Variants in CASD1 observed in about 807,000 individuals in gnomAD.
CASD1 encodes the protein N-acetylneuraminate (7)9-O-acetyltransferase.
CASD1 carries 41 observed loss-of-function variants against 100.0 expected under a neutral mutation model. That is an observed-to-expected ratio of 0.41 (90% CI 0.32 to 0.53). The LOEUF is 0.53. CASD1 is among the 20% of genes least tolerant of loss of function. The pLI is 0.25. For synonymous variants in CASD1, 321 were observed against 315.6 expected (o/e 1.02, Z -0.18); for missense variants, 774 against 948.7 (o/e 0.82, Z 2.42).
At chr7:94,586,137 A>G in the CASD1 span, among the ~76,000 whole-genome samples, 83 of 151,158 alleles carry the variant, frequency 5.5e-4, no homozygotes, top group Non-Finnish European at 7.2e-4. Flanking sequence ...ATAGGTAGCT[A>G]CAAATAAAAT....
At chr7:94,564,803 A>G in the CASD1 span, among the ~76,000 whole-genome samples, 1,261 of 152,292 alleles carry the variant, frequency 8.3e-3, 8 homozygotes, top group Middle Eastern at 0.027. Context: ...CAACAATCAC[A>G]TTAGTAAATG....
the CASD1 span, chr7:94,598,855 G>T: frequency 6.2e-7 from 1 of 1,612,250 alleles, no homozygotes; most frequent in Non-Finnish European, 8.5e-7. Context: ...CAGTCACAGG[G>T]TGGAACACAG....
At chr7:94,570,899 A>T in the CASD1 span, among the ~76,000 whole-genome samples, 1 of 152,048 alleles carries the variant, frequency 6.6e-6, no homozygotes, top group African/African-American at 2.4e-5. Flanking sequence ...TTTACTGGAG[A>T]TCTTTATTTC....
the CASD1 span, chr7:94,585,459 G>A: frequency 6.3e-7 from 1 of 1,578,236 alleles, no homozygotes. Flanking sequence ...CTGCTATATT[G>A]TCTGATTATA....
chr7:94,610,344 TA>T, the CASD1 span, among the ~76,000 whole-genome samples: 2 of 152,162 alleles, frequency 1.3e-5, no homozygotes, highest in African/African-American at 4.8e-5. Context: ...ACACCTAATG[TA>T]AGGTAGGGAC....
At chr7:94,606,284 A>G in the CASD1 span, among the ~76,000 whole-genome samples, 2 of 152,356 alleles carry the variant, frequency 1.3e-5, no homozygotes, top group East Asian at 3.9e-4. Flanking sequence ...ATGGGTGGAG[A>G]AAGATATACT....
the CASD1 span, chr7:94,618,993 G>T: frequency 4.4e-6 from 6 of 1,366,012 alleles, no homozygotes; most frequent in African/African-American, 7.1e-5. Flanking sequence ...TATCTTTAAT[G>T]AAGTAGTCTT....
chr7:94,586,885 C>T, the CASD1 span: 3 of 985,018 alleles, frequency 3.0e-6, no homozygotes, highest in Admixed American at 6.2e-5. Flanking sequence ...GGTCTCTCTC[C>T]CTTTGGCACT....
intron 1 of CASD1, among the ~76,000 whole-genome samples, chr7:94,512,670 C>G (rs75544615): frequency 0.015 from 2,220 of 152,206 alleles, 49 homozygotes; most frequent in African/African-American, 0.051. Flanking sequence ...GAGGTAGATA[C>G]AATTACCATA....
intron 13 of CASD1, among the ~76,000 whole-genome samples, chr7:94,549,204 T>G (rs1451946865): frequency 6.6e-6 from 1 of 151,976 alleles, no homozygotes; most frequent in Non-Finnish European, 1.5e-5. Flanking sequence ...TTAGGTAGAA[T>G]GATTTTCTAA....
the CASD1 span, chr7:94,624,227 A>G: frequency 7.5e-6 from 3 of 398,004 alleles, no homozygotes; most frequent in Non-Finnish European, 1.3e-5. Context: ...ACCTTCTGGC[A>G]ATGATTGCAG....
At chr7:94,565,116 A>G in the CASD1 span, among the ~76,000 whole-genome samples, 8 of 151,380 alleles carry the variant, frequency 5.3e-5, no homozygotes, top group Non-Finnish European at 1.0e-4. Flanking sequence ...TATGTATACT[A>G]CTCCTTCCCA....
At chr7:94,603,608 T>C in the CASD1 span, among the ~76,000 whole-genome samples, 1 of 152,292 alleles carries the variant, frequency 6.6e-6, no homozygotes, top group South Asian at 2.1e-4. Context: ...ATGATTCATG[T>C]AGGGGCTTCC....
At chr7:94,586,250 T>G in the CASD1 span, among the ~76,000 whole-genome samples, 1 of 152,084 alleles carries the variant, frequency 6.6e-6, no homozygotes, top group Admixed American at 6.6e-5. Context: ...CCAGTTACTG[T>G]TTGATGATAA....
At chr7:94,583,983 T>A in the CASD1 span, among the ~76,000 whole-genome samples, 5 of 152,184 alleles carry the variant, frequency 3.3e-5, no homozygotes, top group African/African-American at 1.2e-4. Context: ...AAGATCACTT[T>A]TTCACGGGGA....
chr7:94,595,726 G>T, the CASD1 span, among the ~76,000 whole-genome samples: 1 of 152,080 alleles, frequency 6.6e-6, no homozygotes, highest in Non-Finnish European at 1.5e-5. Context: ...AGTTGAATTT[G>T]CATAAAGGAC....
the CASD1 span, chr7:94,598,852 A>G: frequency 2.5e-6 from 4 of 1,612,298 alleles, no homozygotes; most frequent in Non-Finnish European, 2.5e-6. Flanking sequence ...CCCCAGTCAC[A>G]GGGTGGAACA....
At chr7:94,569,231 T>G in the CASD1 span, among the ~76,000 whole-genome samples, 1 of 152,160 alleles carries the variant, frequency 6.6e-6, no homozygotes, top group Admixed American at 6.5e-5. Flanking sequence ...AAAGGGTATA[T>G]AAATAAGGTC....
intron 15 of CASD1, 57 bp from the exon 16 acceptor site, chr7:94,552,293 G>A: frequency 7.9e-6 from 9 of 1,142,188 alleles, no homozygotes; most frequent in Non-Finnish European, 1.2e-5. Context: ...ACACTGTGAG[G>A]CTTATGCCTC....
Sources: allele counts gnomAD v4.1 joint callset (sites outside exome capture counted in the v4.1 genomes callset), GRCh38; gene constraint gnomAD v4.1.1; transcripts MANE v1.5; gene names NCBI Gene and HGNC (gene_info 2026-07-23, HGNC 2026-07-21).